The following SIL1 variants were observed in gnomAD, a reference collection of about 807,000 sequenced individuals.
SIL1 encodes nucleotide exchange factor SIL1.
SIL1 carries 40 observed loss-of-function variants against 49.1 expected under a neutral mutation model. The ratio of observed to expected loss-of-function variants is 0.81; its 90% CI spans 0.63 to 1.06. The LOEUF is 1.06. SIL1 is among the 50% of genes least tolerant of loss of function. SIL1 has a pLI of 0.00. For missense variants in SIL1, 500 were observed against 572.6 expected (o/e 0.87, Z 1.29); for synonymous variants, 253 against 250.8 (o/e 1.01, Z -0.08).
rs929973903 is a variant in SIL1, at chr5:139,120,931, C to T, written c.244+104G>A. Reference sequence around the variant, plus strand: ...GACGGACCATGCTGTTTCCCTCCCGCAGGCCAGAGAAGAGCAGCCTGAAGG... The same window carrying T: ...GACGGACCATGCTGTTTCCCTCCCGTAGGCCAGAGAAGAGCAGCCTGAAGG... On this transcript the variant is annotated intron_variant, in intron 3 of 9. Transcript: ENST00000394817. 12 of 1,440,184 alleles carry T rather than the reference C, an allele frequency of 8.3e-6. No homozygotes were observed. The African/African-American group carries it at 8.4e-5, about 10-fold the overall frequency. The allele number at this position is 1,440,184 out of a possible 1,614,324, so 89.2% of individuals were successfully genotyped here. A position where few individuals can be genotyped will look rare whatever the true frequency, so the allele number is the denominator to read the frequency against.
At chr5:139,139,250 C>A (rs1439764260) in intron 1 of SIL1, among the ~76,000 whole-genome samples, 1 of 152,188 alleles carries the variant, frequency 6.6e-6, no homozygotes, top group Non-Finnish European at 1.5e-5. Flanking sequence ...TTCTCTATAG[C>A]CTGCTCCCAA....
intron 1 of SIL1, among the ~76,000 whole-genome samples, chr5:139,148,534 A>G (rs1283874705): frequency 2.0e-5 from 3 of 152,208 alleles, no homozygotes; most frequent in Non-Finnish European, 4.4e-5. Flanking sequence ...CCAGGTAAAC[A>G]TATCCTGGAA....
chr5:139,158,111 G>A (rs1360366231), intron 1 of SIL1, among the ~76,000 whole-genome samples: 1 of 152,104 alleles, frequency 6.6e-6, no homozygotes, highest in Non-Finnish European at 1.5e-5. Flanking sequence ...TTACTGATGA[G>A]GCAGCTGAGA....
rs115647715 is a variant in SIL1 at position 138,992,617 on chromosome 5, G to A, written c.767+28554C>T. 3.6e-3 allele frequency among the ~76,000 whole-genome samples: 548 copies of A among 152,160 alleles called. 2 individuals are homozygous for A. The highest frequency in any genetic ancestry group is 0.012 in the African/African-American group (516 of 41,512). On this transcript the variant is annotated intron_variant, in intron 7 of 9. Coordinates refer to ENST00000394817, the MANE Select transcript of SIL1 (RefSeq NM_022464.5). The stretch of plus-strand genomic sequence containing the variant: ...AAATAGAGTAATTGGTAATTTTTCA[G>A]GTTATCTTTTCAAACATCAAAAAAA...
intron 7 of SIL1, among the ~76,000 whole-genome samples, chr5:138,986,598 T>C (rs576208038): frequency 1.3e-5 from 2 of 152,288 alleles, no homozygotes; most frequent in East Asian, 3.9e-4. Flanking sequence ...AAGGCACTGA[T>C]TGGGCAGAAT....
At chr5:138,994,625 C>T (rs1431122200) in intron 7 of SIL1, among the ~76,000 whole-genome samples, 1 of 151,994 alleles carries the variant, frequency 6.6e-6, no homozygotes, top group Non-Finnish European at 1.5e-5. Context: ...AAGAGTAAAG[C>T]GCCAAAAATA....
chr5:139,051,295 G>C (rs760971156), intron 3 of SIL1: 1 of 534,440 alleles, frequency 1.9e-6, no homozygotes, highest in South Asian at 2.0e-5. Context: ...CTTGAATCTA[G>C]AGACCAATGT....
intron 1 of SIL1, among the ~76,000 whole-genome samples, chr5:139,142,004 G>A (rs529069835): frequency 1.2e-3 from 180 of 152,272 alleles, no homozygotes; most frequent in Middle Eastern, 3.4e-3. Context: ...GGAAAAAGCC[G>A]CAGTCTTAAA....
chr5:138,952,552 G>C (rs938761518), intron 7 of SIL1, among the ~76,000 whole-genome samples: 7 of 152,256 alleles, frequency 4.6e-5, no homozygotes, highest in Non-Finnish European at 1.0e-4. Flanking sequence ...TCAGCACTCA[G>C]CACAGAGCCT....
At chr5:138,972,539 C>A (rs1248960819) in intron 7 of SIL1, among the ~76,000 whole-genome samples, 3 of 152,178 alleles carry the variant, frequency 2.0e-5, no homozygotes, top group Non-Finnish European at 4.4e-5. Context: ...CTGTTAAGAG[C>A]CCCAGAGACA....
chr5:139,044,319 G>A (rs1769105702), intron 4 of SIL1, among the ~76,000 whole-genome samples: 1 of 152,080 alleles, frequency 6.6e-6, no homozygotes, highest in Non-Finnish European at 1.5e-5. Flanking sequence ...TAAGTATTCA[G>A]GAACCATAGC....
intron 1 of SIL1, among the ~76,000 whole-genome samples, chr5:139,162,600 T>C (rs1220945686): frequency 6.6e-6 from 1 of 152,230 alleles, no homozygotes; most frequent in Non-Finnish European, 1.5e-5. Flanking sequence ...TCATCTTGAT[T>C]ACATTTATTT....
rs962995234 is a variant in SIL1, at chr5:138,976,840, TA to T, written c.768-24957del. Reference sequence around the variant, plus strand: ...ATAGAGGAAACAATATATATGAAATTAAAAAAAAAATTTGTAGGGCAAGCAA... The same window carrying T: ...ATAGAGGAAACAATATATATGAAATTAAAAAAAAATTTGTAGGGCAAGCAA... On this transcript the variant is annotated intron_variant, in intron 7 of 9. Transcript: ENST00000394817. Among the ~76,000 whole-genome samples the T allele has an allele frequency of 2.3e-4, 34 of 150,746 alleles. No homozygotes were observed. The East Asian group carries it at 4.1e-3, about 18-fold the overall frequency.
intron 2 of SIL1, among the ~76,000 whole-genome samples, chr5:139,123,697 T>C (rs1276657375): frequency 6.6e-6 from 1 of 152,148 alleles, no homozygotes; most frequent in Non-Finnish European, 1.5e-5. Context: ...GGGAAATCAG[T>C]GGACCAGGTG....
chr5:139,128,305 G>C (rs1750795120), intron 1 of SIL1, among the ~76,000 whole-genome samples: 1 of 152,088 alleles, frequency 6.6e-6, no homozygotes, highest in Non-Finnish European at 1.5e-5. Context: ...CTCTAAGACA[G>C]CAAAGTTCGA....
In SIL1 at chr5:139,051,255, A is replaced by G. The variant is rs528277611; in HGVS notation, c.245-209T>C. On this transcript the variant is annotated intron_variant, in intron 3 of 9. Transcript: ENST00000394817. ...TAATCTATAAGGAAATCTGTAAGGG[A>G]ATGACGTAAGATGGGCAAGAGGATT... is the stretch of plus-strand genomic sequence containing the variant. 3.2e-5 allele frequency: 19 copies of G among 598,098 alleles called. No homozygotes were observed. The African/African-American group carries it at 3.5e-4, about 11-fold the overall frequency. 37.0% of individuals were successfully genotyped at this position (598,098 alleles called of 1,614,324 possible).
intron 3 of SIL1, among the ~76,000 whole-genome samples, chr5:139,083,179 T>C (rs1770128243): frequency 6.6e-6 from 1 of 152,240 alleles, no homozygotes; most frequent in Admixed American, 6.5e-5. Flanking sequence ...TAAGAGCACC[T>C]GCCACTGGGA....
At chr5:139,028,985 T>TA (rs1327873133) in intron 5 of SIL1, among the ~76,000 whole-genome samples, 1 of 152,220 alleles carries the variant, frequency 6.6e-6, no homozygotes, top group Non-Finnish European at 1.5e-5. Flanking sequence ...TTCTGGCATT[T>TA]AAAAAATGTT....
chr5:139,165,522 G>A (rs1035455011), intron 1 of SIL1, among the ~76,000 whole-genome samples: 1 of 151,838 alleles, frequency 6.6e-6, no homozygotes, highest in African/African-American at 2.4e-5. Context: ...CTAATTTTTT[G>A]TATTTTTAGT....
Sources: gnomAD v4.1 joint callset for allele counts (sites outside exome capture counted in the v4.1 genomes callset) on GRCh38, gnomAD v4.1.1 for gene constraint, MANE v1.5 for transcripts, NCBI Gene and HGNC (gene_info 2026-07-23, HGNC 2026-07-21) for gene names.